XPO6: variants seen among roughly 807,000 people sequenced by gnomAD.
XPO6 encodes the protein exportin-6.
A neutral mutation model predicts 130.0 loss-of-function variants in XPO6; 3 were observed. The observed-to-expected ratio is 0.02, with a 90% CI of 0.01 to 0.06. XPO6 has a LOEUF of 0.06. Ranked by LOEUF, XPO6 falls within the 10% of genes least tolerant of loss-of-function variation. XPO6 has a pLI of 1.00. For synonymous variants in XPO6, 524 were observed against 548.9 expected (o/e 0.95, Z 0.63); for missense variants, 970 against 1,393.0 (o/e 0.70, Z 4.83).
At chr16:28,121,835 T>C (rs2087249426) in intron 13 of XPO6, 73 bp from the exon 14 acceptor site, 6 of 1,033,024 alleles carry the variant, frequency 5.8e-6, no homozygotes, top group Non-Finnish European at 1.5e-6. Context: ...ACAAGGCTGG[T>C]ACCAGCAAAG....
At chr16:28,171,878 T>TA (rs1363837851) in intron 4 of XPO6, among the ~76,000 whole-genome samples, 1 of 152,212 alleles carries the variant, frequency 6.6e-6, no homozygotes, top group African/African-American at 2.4e-5. Context: ...GTCTATATTC[T>TA]AAAAGATTCC....
Position 28,177,255 on chromosome 16 carries a change from C to A in XPO6, c.172G>T (p.Asp58Tyr). The A allele has an allele frequency of 6.2e-7, 1 of 1,611,904 alleles. No individual in the cohort carries two copies. Among genetic ancestry groups the A allele is most frequent in the South Asian group, 1.1e-5 (1 of 90,620 alleles). Residue 58 changes from aspartate (D) to tyrosine (Y), a missense_variant, in exon 3 of 24, where the codon GAC (aspartate) becomes TAC (tyrosine). Coordinates refer to ENST00000304658, the MANE Select transcript of XPO6 (RefSeq NM_015171.4). ...CLYFLSSTRN[D>Y]YVMMYSLTVF... The stretch of plus-strand genomic sequence containing the variant: ...GTTAAACTGTACATCATTACATAGT[C>A]ATTCCTAGTGCTGGAGAGAAAGTAC...
chr16:28,138,039 A>T, intron 9 of XPO6, among the ~76,000 whole-genome samples: 1 of 152,188 alleles, frequency 6.6e-6, no homozygotes. Context: ...AACCTAACAC[A>T]CGCCAGCCCT....
intron 8 of XPO6, among the ~76,000 whole-genome samples, chr16:28,151,016 G>A (rs57531371): frequency 0.054 from 8,156 of 151,670 alleles, 563 homozygotes; most frequent in East Asian, 0.17. Flanking sequence ...TCCCAGGACT[G>A]GCTCATCCTT....
intron 7 of XPO6, chr16:28,155,796 G>A (rs72789666): frequency 1.7e-6 from 1 of 582,906 alleles, no homozygotes; most frequent in Non-Finnish European, 2.4e-6. Context: ...TAAGGAAAAG[G>A]GGGCAAGAGG....
At chr16:28,136,796 G>A (rs1257047971) in intron 9 of XPO6, among the ~76,000 whole-genome samples, 1 of 152,140 alleles carries the variant, frequency 6.6e-6, no homozygotes. Flanking sequence ...CTAAATACTC[G>A]CCTATCCTGA....
chr16:28,177,471 A>G, intron 2 of XPO6, 139 bp from the exon 3 acceptor site: 1 of 535,432 alleles, frequency 1.9e-6, no homozygotes, highest in Non-Finnish European at 3.4e-6. Context: ...TCTTTAAGAT[A>G]GAAAGAATAA....
chr16:28,195,263 A>G (rs1214086668), intron 1 of XPO6, among the ~76,000 whole-genome samples: 1 of 152,164 alleles, frequency 6.6e-6, no homozygotes, highest in African/African-American at 2.4e-5. Context: ...AAGGATCTTC[A>G]TGTCAATGCC....
rs754486012 is a variant in XPO6, at chr16:28,113,057, AG to A, written c.2005-8del. 12 of 1,613,008 alleles carry A rather than the reference AG, an allele frequency of 7.4e-6. No homozygotes were observed. The highest frequency in any genetic ancestry group is 1.0e-5 in the Non-Finnish European group (12 of 1,179,360). ...GCAGCAGCTTGTCTTGGACCTGCAG[AG>A]GGAAGAGGGCACGTCAGCTCACCAC... On this transcript the variant is annotated splice_region_variant and splice_polypyrimidine_tract_variant and intron_variant, in intron 15 of 23. Coordinates refer to ENST00000304658, the MANE Select transcript of XPO6 (RefSeq NM_015171.4).
At chr16:28,153,185 G>A (rs756075455) in intron 7 of XPO6, 157 of 999,278 alleles carry the variant, frequency 1.6e-4, no homozygotes, top group Non-Finnish European at 1.8e-4. Flanking sequence ...AGTGAATGGT[G>A]CTAAAGACAC....
intron 8 of XPO6, among the ~76,000 whole-genome samples, chr16:28,149,058 T>TAAAAAAAAAAAAAAAAAAAA (rs71389526): frequency 9.3e-6 from 1 of 107,122 alleles, no homozygotes; most frequent in Non-Finnish European, 1.9e-5. Flanking sequence ...AAAAAGAAAA[T>TAAAAAAAAAAAAAAAAAAAA]AAAAAAAAAA....
At chr16:28,107,710 T>C in intron 17 of XPO6, 33 bp from the exon 18 acceptor site, 2 of 1,609,192 alleles carry the variant, frequency 1.2e-6, no homozygotes, top group Non-Finnish European at 1.7e-6. Flanking sequence ...GGTTATAAGC[T>C]GTCTGGGGAG....
At position 28,117,724 on chromosome 16, in the gene XPO6, G is replaced by A. The variant is rs185786159; in HGVS notation, c.1860-262C>T. ...CTTATTCAATCTTTCTGTGACACAT[G>A]CTCACCTAAGAGAAAGGTAAATTAT... On this transcript the variant is annotated intron_variant, in intron 14 of 23. Transcript: ENST00000304658. Among the ~76,000 whole-genome samples the A allele has an allele frequency of 1.2e-3, 182 of 152,320 alleles. 1 individual carries two copies. Among genetic ancestry groups the A allele is most frequent in the Middle Eastern group, 6.8e-3 (2 of 294 alleles).
At chr16:28,118,962 G>A (rs1305864855) in intron 14 of XPO6, among the ~76,000 whole-genome samples, 1 of 152,152 alleles carries the variant, frequency 6.6e-6, no homozygotes, top group African/African-American at 2.4e-5. Flanking sequence ...GATTGTCACT[G>A]TTTCTAGGAG....
chr16:28,145,669 C>T (rs1423576649), intron 9 of XPO6, among the ~76,000 whole-genome samples: 1 of 152,058 alleles, frequency 6.6e-6, no homozygotes, highest in African/African-American at 2.4e-5. Flanking sequence ...TAATGAACCC[C>T]AAGTTCCTAG....
chr16:28,181,630 A>C (rs1182046137), intron 1 of XPO6, among the ~76,000 whole-genome samples: 1 of 151,588 alleles, frequency 6.6e-6, no homozygotes, highest in Non-Finnish European at 1.5e-5. Context: ...TTCCCATCCC[A>C]GCCACCCAAA....
At chr16:28,204,809 C>A (rs2044003177) in intron 1 of XPO6, among the ~76,000 whole-genome samples, 1 of 152,214 alleles carries the variant, frequency 6.6e-6, no homozygotes, top group Non-Finnish European at 1.5e-5. Flanking sequence ...TTGTCTGACA[C>A]TACTGACAGA....
chr16:28,192,261 T>A (rs1899282532), intron 1 of XPO6, among the ~76,000 whole-genome samples: 2 of 40,926 alleles, frequency 4.9e-5, no homozygotes, highest in African/African-American at 1.0e-4. Flanking sequence ...AGACTCCGTC[T>A]CAAAAAAAAA....
At chr16:28,115,065 T>C (rs1423759545) in intron 15 of XPO6, among the ~76,000 whole-genome samples, 1 of 152,224 alleles carries the variant, frequency 6.6e-6, no homozygotes, top group African/African-American at 2.4e-5. Flanking sequence ...TGCAGTTACT[T>C]TCTTTACTGA....
Sources: allele counts gnomAD v4.1 joint callset (sites outside exome capture counted in the v4.1 genomes callset), GRCh38; gene constraint gnomAD v4.1.1; transcripts MANE v1.5; gene names NCBI Gene and HGNC (gene_info 2026-07-23, HGNC 2026-07-21).